The following NCOA6 variants were observed in gnomAD, a reference collection of about 807,000 sequenced individuals.
NCOA6 encodes nuclear receptor coactivator 6.
In NCOA6, 49 loss-of-function variants were observed where a neutral mutation model predicts 171.4. The ratio of observed to expected loss-of-function variants is 0.29; its 90% CI spans 0.23 to 0.36. NCOA6 has a LOEUF of 0.36. NCOA6 is among the 10% of genes least tolerant of loss of function. The pLI, the probability that NCOA6 is intolerant of heterozygous loss-of-function variation, is 1.00. For synonymous variants in NCOA6, 910 were observed against 927.5 expected (o/e 0.98, Z 0.34); for missense variants, 2,248 against 2,554.5 (o/e 0.88, Z 2.59).
chr20:34,798,320 A>T (rs754288943), intron 1 of NCOA6, among the ~76,000 whole-genome samples: 15 of 152,174 alleles, frequency 9.9e-5, no homozygotes, highest in Non-Finnish European at 1.6e-4. Context: ...CACTAGATAG[A>T]TTCCTAAGGT....
chr20:34,809,188 A>G (rs2078568972), intron 1 of NCOA6, among the ~76,000 whole-genome samples: 1 of 152,202 alleles, frequency 6.6e-6, no homozygotes, highest in South Asian at 2.1e-4. Flanking sequence ...TGGAACCAAT[A>G]AAGAATTCTG....
At chr20:34,790,361 T>A (rs1189579384) in intron 2 of NCOA6, among the ~76,000 whole-genome samples, 3 of 152,192 alleles carry the variant, frequency 2.0e-5, no homozygotes, top group Middle Eastern at 3.4e-3. Context: ...TATTTATTTA[T>A]TTAATTATTT....
chr20:34,755,596 A>C lies in NCOA6; in HGVS notation c.1529-728T>G, dbSNP rs2076618825. ...ATTTTAGAAAACTTGTAATAAGGAG[A>C]ATCTCAGAACCCACTTATCATTTAC... On this transcript the variant is annotated intron_variant, in intron 7 of 14. Coordinates refer to ENST00000359003, the MANE Select transcript of NCOA6 (RefSeq NM_014071.5). Among the ~76,000 whole-genome samples the C allele has an allele frequency of 2.6e-5, 4 of 152,304 alleles. No homozygotes were observed. In the South Asian group the frequency reaches 8.3e-4, roughly 32 times the overall value.
intron 7 of NCOA6, among the ~76,000 whole-genome samples, chr20:34,756,759 A>C (rs2076652131): frequency 6.6e-6 from 1 of 152,214 alleles, no homozygotes; most frequent in Non-Finnish European, 1.5e-5. Context: ...ACCAAACTTA[A>C]CAAGTACCAT....
chr20:34,755,330 T>C lies in NCOA6; in HGVS notation c.1529-462A>G, dbSNP rs181997353. On this transcript the variant is annotated intron_variant, in intron 7 of 14. Coordinates refer to ENST00000359003, the MANE Select transcript of NCOA6 (RefSeq NM_014071.5). ...CCTGATATTAAGGATAGATTGATTA[T>C]TTTTCCTTTGAGGGAAACTGATGGC... is the stretch of plus-strand genomic sequence containing the variant. Among the ~76,000 whole-genome samples the C allele has an allele frequency of 1.6e-3, 248 of 152,324 alleles. 1 individual carries two copies. Among genetic ancestry groups the C allele is most frequent in the Middle Eastern group, 3.4e-3 (1 of 294 alleles).
At chr20:34,770,372 A>G (rs181944786) in intron 4 of NCOA6, among the ~76,000 whole-genome samples, 167 of 152,162 alleles carry the variant, frequency 1.1e-3, no homozygotes, top group South Asian at 2.9e-3. Context: ...CACTGGTCAC[A>G]GGGAACAAAC....
At chr20:34,793,134 C>A (rs998026683) in intron 1 of NCOA6, among the ~76,000 whole-genome samples, 1 of 152,002 alleles carries the variant, frequency 6.6e-6, no homozygotes, top group African/African-American at 2.4e-5. Flanking sequence ...ATTGTAGAAG[C>A]AAAACTCACA....
chr20:34,792,063 T>C (rs2077903705), intron 2 of NCOA6, among the ~76,000 whole-genome samples: 1 of 152,176 alleles, frequency 6.6e-6, no homozygotes, highest in Non-Finnish European at 1.5e-5. Context: ...CAGATCTAAA[T>C]ACAGCATCAA....
chr20:34,783,231 G>A lies in NCOA6; in HGVS notation c.-49-827C>T, dbSNP rs191916789. On this transcript the variant is annotated intron_variant, in intron 2 of 14. Coordinates refer to ENST00000359003, the MANE Select transcript of NCOA6 (RefSeq NM_014071.5). ...AGGAGGGTGGAGGTTGAAGGGAGCC[G>A]AGGTTGCGTCACTGCACTCCAGCCT... Among the ~76,000 whole-genome samples the A allele has an allele frequency of 2.2e-3, 340 of 152,030 alleles. 1 individual carries two copies. The highest frequency in any genetic ancestry group is 7.5e-3 in the African/African-American group (312 of 41,468).
chr20:34,722,221 A>T (rs1482069693), intron 14 of NCOA6, among the ~76,000 whole-genome samples: 1 of 151,544 alleles, frequency 6.6e-6, no homozygotes, highest in Non-Finnish European at 1.5e-5. Context: ...TCTCTACTAA[A>T]AATATAAAAA....
chr20:34,733,239 T>C (rs1383126354), intron 12 of NCOA6, among the ~76,000 whole-genome samples: 1 of 152,222 alleles, frequency 6.6e-6, no homozygotes, highest in Non-Finnish European at 1.5e-5. Flanking sequence ...AAACATTTGC[T>C]TTCTCTATTA....
intron 1 of NCOA6, among the ~76,000 whole-genome samples, chr20:34,804,602 T>C (rs1372163340): frequency 6.6e-6 from 1 of 152,028 alleles, no homozygotes; most frequent in Non-Finnish European, 1.5e-5. Flanking sequence ...TTGCTTCCCA[T>C]TGAGACTAAT....
At chr20:34,777,643 C>T (rs1269911681) in intron 3 of NCOA6, among the ~76,000 whole-genome samples, 1 of 151,608 alleles carries the variant, frequency 6.6e-6, no homozygotes, top group African/African-American at 2.4e-5. Flanking sequence ...GGAACCCTTG[C>T]GCACTGTCAG....
chr20:34,776,044 T>G (rs181922542), intron 4 of NCOA6, among the ~76,000 whole-genome samples: 190 of 152,366 alleles, frequency 1.2e-3, no homozygotes, highest in African/African-American at 4.4e-3. Flanking sequence ...TCTGAAAGAC[T>G]GATGGTCAAA....
intron 10 of NCOA6, among the ~76,000 whole-genome samples, chr20:34,746,477 A>G (rs963931889): frequency 6.6e-6 from 1 of 152,200 alleles, no homozygotes; most frequent in Non-Finnish European, 1.5e-5. Flanking sequence ...ACTTGCGCTC[A>G]AGCGATCTGC....
At position 34,788,046 on chromosome 20, in the gene NCOA6, T is replaced by C. The variant is rs763919862; in HGVS notation, c.-50+4404A>G. On this transcript the variant is annotated intron_variant, in intron 2 of 14. Coordinates refer to ENST00000359003, the MANE Select transcript of NCOA6 (RefSeq NM_014071.5). ...CACGCTTGACTAATTTTTTGTATTTTAGTAGAGATGGAGTTTCACCGTGTT... is the reference window on the plus strand; with the variant it reads ...CACGCTTGACTAATTTTTTGTATTTCAGTAGAGATGGAGTTTCACCGTGTT... Among the ~76,000 whole-genome samples the C allele has an allele frequency of 8.5e-5, 13 of 152,134 alleles. 1 individual carries two copies. Among genetic ancestry groups the C allele is most frequent in the Admixed American group, 7.2e-4 (11 of 15,278 alleles).
chr20:34,740,392 C>A lies in NCOA6; in HGVS notation c.5864G>T (p.Gly1955Val), dbSNP rs759728267. The change falls in exon 11 of 15, where the codon GGA becomes GTA. Residue 1955 changes from glycine (G) to valine (V), a missense_variant. Coordinates refer to ENST00000359003, the MANE Select transcript of NCOA6 (RefSeq NM_014071.5). ...LAGGLVEEKV[G>V]SHPELLPSIA... is the part of the protein sequence containing the mutation. ...GCTGGGTAGAAGTTCTGGATGGGAT[C>A]CCACCTTCTCCTCCACTAGGCCACC... 1.2e-6 allele frequency: 2 copies of A among 1,614,092 alleles called. No homozygotes were observed. Among genetic ancestry groups the A allele is most frequent in the East Asian group, 4.5e-5 (2 of 44,880 alleles).
intron 2 of NCOA6, among the ~76,000 whole-genome samples, chr20:34,787,876 T>C (rs1201174507): frequency 2.0e-5 from 3 of 152,002 alleles, no homozygotes; most frequent in Non-Finnish European, 2.9e-5. Flanking sequence ...AATTTTTTTT[T>C]TTTTTTTGGA....
At chr20:34,753,194 C>T (rs1274214269) in intron 8 of NCOA6, among the ~76,000 whole-genome samples, 2 of 150,726 alleles carry the variant, frequency 1.3e-5, no homozygotes, top group African/African-American at 4.9e-5. Flanking sequence ...TACAAGCGTC[C>T]GCCACCACAC....
Sources: allele counts gnomAD v4.1 joint callset (sites outside exome capture counted in the v4.1 genomes callset), GRCh38; gene constraint gnomAD v4.1.1; transcripts MANE v1.5; gene names NCBI Gene and HGNC (gene_info 2026-07-23, HGNC 2026-07-21).